TBC1D24: variants seen among roughly 807,000 people sequenced by gnomAD.
The protein encoded by TBC1D24 is TBC1 domain family member 24, also known as Infantile myoclonic epilepsy.
TBC1D24 carries 47 observed loss-of-function variants against 50.7 expected under a neutral mutation model. The ratio of observed to expected loss-of-function variants is 0.93; its 90% CI spans 0.73 to 1.18. The LOEUF is 1.18. TBC1D24 is among the 50% of genes most tolerant of loss of function. TBC1D24 has a pLI of 0.00. For synonymous variants in TBC1D24, 324 were observed against 335.2 expected (o/e 0.97, Z 0.36); for missense variants, 688 against 766.5 (o/e 0.90, Z 1.21).
In TBC1D24 at chr16:2,504,414, C is replaced by CTTTTTTTTTTTTTTTTTTT. The variant is rs901354911; in HGVS notation, c.*3460_*3478dup. The CTTTTTTTTTTTTTTTTTTT allele has an allele frequency of 5.6e-5, 7 of 125,658 alleles. No homozygotes were observed. The highest frequency in any genetic ancestry group is 7.9e-5 in the Admixed American group (1 of 12,610). The allele number at this position is 125,658 out of a possible 1,614,324, so 7.8% of individuals were successfully genotyped here. On this transcript the variant is annotated 3_prime_UTR_variant, in exon 8 of 8. Transcript: ENST00000646147. ...AACCACAGGCCTATTGAGATTGTCCCTTTTTTTTTTTTTTTTTTTTTTGAG... is the reference window on the plus strand; with the variant it reads ...AACCACAGGCCTATTGAGATTGTCCCTTTTTTTTTTTTTTTTTTTTTTTTTTTTTTTTTTTTTTTTTGAG...
At position 2,504,406 on chromosome 16, in the gene TBC1D24, G is replaced by A. The variant is rs528774698; in HGVS notation, c.*3448G>A. On this transcript the variant is annotated 3_prime_UTR_variant, in exon 8 of 8. Coordinates refer to ENST00000646147, the MANE Select transcript of TBC1D24 (RefSeq NM_001199107.2). Reference sequence around the variant, plus strand: ...GTTAACTAAACCACAGGCCTATTGAGATTGTCCCTTTTTTTTTTTTTTTTT... The same window carrying A: ...GTTAACTAAACCACAGGCCTATTGAAATTGTCCCTTTTTTTTTTTTTTTTT... 19 of 141,992 alleles carry A rather than the reference G, an allele frequency of 1.3e-4. No homozygotes were observed. In the East Asian group the frequency reaches 1.8e-3, roughly 13 times the overall value. The allele number at this position is 141,992 out of a possible 1,614,324, so 8.8% of individuals were successfully genotyped here. A position where few individuals can be genotyped will look rare whatever the true frequency, so the allele number is the denominator to read the frequency against.
At position 2,499,270 on chromosome 16, in the gene TBC1D24, C is replaced by T. The variant is rs1489214135; in HGVS notation, c.1143-87C>T. 1 of 1,278,154 alleles carries T rather than the reference C, an allele frequency of 7.8e-7. No individual in the cohort carries two copies. The highest frequency in any genetic ancestry group is 1.9e-5 in the Admixed American group (1 of 51,342). 79.2% of individuals were successfully genotyped at this position (1,278,154 alleles called of 1,614,324 possible). ...GGAAGCACAGTTCCCAGGTCTTCGCCCCAAGACAGCTGGGGCCAGCGGAGG... is the reference window on the plus strand; with the variant it reads ...GGAAGCACAGTTCCCAGGTCTTCGCTCCAAGACAGCTGGGGCCAGCGGAGG... On this transcript the variant is annotated intron_variant, in intron 4 of 7. Transcript: ENST00000646147. This position sits in a 1 kb window ranked among gnomAD's most constrained non-coding sequence, Gnocchi z 4.0.
rs2141871200 is a variant in TBC1D24, at chr16:2,496,412, C to T, written c.264C>T (p.Ser88=). The change falls in exon 2 of 8, where the codon AGC becomes AGT. Residue 88 remains serine (S), a synonymous_variant. Transcript: ENST00000646147. ...AGATCGTGGGCAAGCACAGCAGCAG[C>T]TGCCTGCCGCTGCCCGAGTTCGTGG... ...VGKIVGKHSS[S]CLPLPEFVDN... 6.2e-7 allele frequency: 1 copy of T among 1,612,996 alleles called. No individual in the cohort carries two copies. Among genetic ancestry groups the T allele is most frequent in the Non-Finnish European group, 8.5e-7 (1 of 1,179,958 alleles).
At chr16:2,479,831 ATTGT>A (rs2065597020) in intron 1 of TBC1D24, 1 of 151,160 alleles carries the variant, frequency 6.6e-6, no homozygotes, top group Admixed American at 6.6e-5. Flanking sequence ...CTTTTTGTTA[ATTGT>A]TTTTTTTTTC....
Position 2,475,298 on chromosome 16 carries a change from C to G in TBC1D24, c.-116+128C>G, listed in dbSNP as rs574450745. The G allele has an allele frequency of 6.0e-5, 9 of 150,400 alleles. No homozygotes were observed. The highest frequency in any genetic ancestry group is 2.0e-4 in the Admixed American group (3 of 15,142). The allele number at this position is 150,400 out of a possible 1,614,324, so 9.3% of individuals were successfully genotyped here. A position where few individuals can be genotyped will look rare whatever the true frequency, so the allele number is the denominator to read the frequency against. ...TGGGGGCCGGGCTGCGGGCCCCATTCGAGGCGGGGATCCCCGGCCACGCGC... is the reference window on the plus strand; with the variant it reads ...TGGGGGCCGGGCTGCGGGCCCCATTGGAGGCGGGGATCCCCGGCCACGCGC... On this transcript the variant is annotated intron_variant, in intron 1 of 7. Transcript: ENST00000646147. This position sits in a 1 kb window ranked among gnomAD's most constrained non-coding sequence, Gnocchi z 4.2.
At position 2,500,397 on chromosome 16, in the gene TBC1D24, C is replaced by T. The variant is rs1391618286; in HGVS notation, c.1432C>T (p.Arg478Cys). The part of the protein sequence containing the change: ...SHSASSDPAD[R>C]LSPFLAARHF... ...CTCCGCCTCCTCAGACCCCGCTGAC[C>T]GCCTCTCGCCCTTCCTGGCCGCTCG... Residue 478 changes from arginine to cysteine, a missense_variant, in exon 7 of 8, where the codon CGC becomes TGC. Physicochemically the swap from Arg to Cys is radical, Grantham distance 180. Transcript: ENST00000646147. The surrounding 1 kb of genome is among the most constrained non-coding windows in gnomAD (Gnocchi z 8.0). 5.0e-6 allele frequency: 8 copies of T among 1,604,174 alleles called. No homozygotes were observed. Among genetic ancestry groups the T allele is most frequent in the Admixed American group, 1.7e-5 (1 of 59,304 alleles).
At chr16:2,478,145 T>C (rs1269545973) in intron 1 of TBC1D24, 1 of 152,162 alleles carries the variant, frequency 6.6e-6, no homozygotes, top group Non-Finnish European at 1.5e-5. Flanking sequence ...CAGAGAGACA[T>C]CAGCACAGAA....
Position 2,485,629 on chromosome 16 carries a change from T to C in TBC1D24, c.-115-10405T>C, listed in dbSNP as rs571076358. On this transcript the variant is annotated intron_variant, in intron 1 of 7. Transcript: ENST00000646147. This position sits in a 1 kb window ranked among gnomAD's most constrained non-coding sequence, Gnocchi z 4.6. ...GAGAAGTTCCAGAGGCCTGGACTTC[T>C]GACTGGTGTCTGGAGACGTGGGGGG... 1 of 152,358 alleles carries C rather than the reference T, an allele frequency of 6.6e-6. No homozygotes were observed. The highest frequency in any genetic ancestry group is 2.1e-4 in the South Asian group (1 of 4,824). 9.4% of individuals were successfully genotyped at this position (152,358 alleles called of 1,614,324 possible). A position where few individuals can be genotyped will look rare whatever the true frequency, so the allele number is the denominator to read the frequency against.
Position 2,475,802 on chromosome 16 carries a change from C to G in TBC1D24, c.-116+632C>G, listed in dbSNP as rs1203781380. ...GCACAGCGGAGGGGAGAGCCGGCCC[C>G]ACCTGGGCTGGGCTGCACCTGTTCC... is the stretch of plus-strand genomic sequence containing the variant. On this transcript the variant is annotated intron_variant, in intron 1 of 7. Coordinates refer to ENST00000646147, the MANE Select transcript of TBC1D24 (RefSeq NM_001199107.2). The surrounding 1 kb of genome is among the most constrained non-coding windows in gnomAD (Gnocchi z 4.2). 6.6e-6 allele frequency among the ~76,000 whole-genome samples: 1 copy of G among 152,280 alleles called. No homozygotes were observed. The highest frequency in any genetic ancestry group is 2.4e-5 in the African/African-American group (1 of 41,578).
rs1183338507 is a variant in TBC1D24, at chr16:2,499,264, C to A, written c.1143-93C>A. On this transcript the variant is annotated intron_variant, in intron 4 of 7. Coordinates refer to ENST00000646147, the MANE Select transcript of TBC1D24 (RefSeq NM_001199107.2). The surrounding 1 kb of genome is among the most constrained non-coding windows in gnomAD (Gnocchi z 4.0). ...AGAGAAGGAAGCACAGTTCCCAGGT[C>A]TTCGCCCCAAGACAGCTGGGGCCAG... 3.4e-6 allele frequency: 4 copies of A among 1,181,212 alleles called. No homozygotes were observed. In the African/African-American group the frequency reaches 6.1e-5, roughly 18 times the overall value. 73.2% of individuals were successfully genotyped at this position (1,181,212 alleles called of 1,614,324 possible).
At chr16:2,497,757 G>GC (rs2065756063) in intron 3 of TBC1D24, 30 bp downstream of exon 3, 2 of 1,535,324 alleles carry the variant, frequency 1.3e-6, no homozygotes, top group African/African-American at 2.7e-5. Flanking sequence ...TGCACACCTG[G>GC]CCTCTGTCTT....
At chr16:2,479,211 T>C (rs896717870) in intron 1 of TBC1D24, 1 of 152,176 alleles carries the variant, frequency 6.6e-6, no homozygotes, top group African/African-American at 2.4e-5. Flanking sequence ...AATTTGTCTC[T>C]TGGAGTGAAG....
In TBC1D24 at chr16:2,486,024, C is replaced by T. The variant is rs1389202322; in HGVS notation, c.-115-10010C>T. On this transcript the variant is annotated intron_variant, in intron 1 of 7. Coordinates refer to ENST00000646147, the MANE Select transcript of TBC1D24 (RefSeq NM_001199107.2). The surrounding 1 kb of genome is among the most constrained non-coding windows in gnomAD (Gnocchi z 5.8). ...GGATCTCGCGCCCGGGCTGGAATGC[C>T]TGTGCTGCCCTCCCCTGCCTGGCGG... 6.6e-6 allele frequency among the ~76,000 whole-genome samples: 1 copy of T among 152,220 alleles called. No homozygotes were observed. Among genetic ancestry groups the T allele is most frequent in the Admixed American group, 6.5e-5 (1 of 15,286 alleles).
At position 2,496,440 on chromosome 16, in the gene TBC1D24, A is replaced by G. The variant is rs759779506; in HGVS notation, c.292A>G (p.Asn98Asp). 1.4e-5 allele frequency: 23 copies of G among 1,612,630 alleles called. No homozygotes were observed. Residue 98 changes from asparagine (N) to aspartate (D), a missense_variant, in exon 2 of 8, where the codon AAC (asparagine) becomes GAC (aspartate). Coordinates refer to ENST00000646147, the MANE Select transcript of TBC1D24 (RefSeq NM_001199107.2). ...CCTGCCGCTGCCCGAGTTCGTGGAC[A>G]ACACGCAGGTGCCCAGCTACTGCCT... ...SCLPLPEFVD[N>D]TQVPSYCLNA...
chr16:2,490,364 C>T (rs1275151391), intron 1 of TBC1D24, among the ~76,000 whole-genome samples: 2 of 152,232 alleles, frequency 1.3e-5, no homozygotes, highest in Non-Finnish European at 2.9e-5. Context: ...CACCTCACTC[C>T]GTGCCTCTGC....
rs769751880 is a variant in TBC1D24, at chr16:2,500,448, G to A, written c.1483G>A (p.Glu495Lys). Residue 495 changes from glutamate to lysine, a missense_variant, in exon 7 of 8, where the codon GAG (glutamate) becomes AAG (lysine). Glu to Lys is a moderately conservative substitution (Grantham distance 56). Transcript: ENST00000646147. This position sits in a 1 kb window ranked among gnomAD's most constrained non-coding sequence, Gnocchi z 8.0. ...CCACTTCAACCTGCCCTCCAAGACC[G>A]AGTCCATGTTCATGGCGGGGGGCAG... ...ARHFNLPSKT[E>K]SMFMAGGSDC... 6.9e-6 allele frequency: 11 copies of A among 1,599,270 alleles called. No individual in the cohort carries two copies. Among genetic ancestry groups the A allele is most frequent in the East Asian group, 6.8e-5 (3 of 44,158 alleles).
In TBC1D24 at chr16:2,485,092, A is replaced by T. The variant is rs2065638957; in HGVS notation, c.-116+9922A>T. The T allele has an allele frequency of 1.3e-5, 2 of 151,872 alleles. No individual in the cohort carries two copies. Among genetic ancestry groups the T allele is most frequent in the Non-Finnish European group, 2.9e-5 (2 of 67,992 alleles). 9.4% of individuals were successfully genotyped at this position (151,872 alleles called of 1,614,324 possible). ...CACCTACTCTCCCAGCACCTCTGTG[A>T]TGTTGTGAAATATCTATTTGGTCTT... On this transcript the variant is annotated intron_variant, in intron 1 of 7. Transcript: ENST00000646147. The surrounding 1 kb of genome is among the most constrained non-coding windows in gnomAD (Gnocchi z 4.6).
chr16:2,478,947 G>A (rs2065589950), intron 1 of TBC1D24: 1 of 151,194 alleles, frequency 6.6e-6, no homozygotes, highest in Non-Finnish European at 1.5e-5. Flanking sequence ...TACAATGGAG[G>A]GATCATGAGA....
intron 1 of TBC1D24, chr16:2,481,497 C>A (rs1409082104): frequency 1.3e-5 from 2 of 152,240 alleles, no homozygotes; most frequent in Non-Finnish European, 2.9e-5. Flanking sequence ...CCTGGCCTTC[C>A]AAGGCACACC....
Sources: allele counts gnomAD v4.1 joint callset (sites outside exome capture counted in the v4.1 genomes callset), GRCh38; gene constraint gnomAD v4.1.1; non-coding constraint Gnocchi (gnomAD v3.1); transcripts MANE v1.5; gene names NCBI Gene and HGNC (gene_info 2026-07-23, HGNC 2026-07-21).